Variants in TENM4 observed in about 807,000 individuals in gnomAD.
The protein encoded by TENM4 is teneurin-4.
In TENM4, 82 loss-of-function variants were observed where a neutral mutation model predicts 243.3. The observed-to-expected ratio is 0.34, with a 90% CI of 0.28 to 0.40. The LOEUF (loss-of-function observed/expected upper bound fraction) is 0.40, where lower values mean the gene tolerates loss of function less well. Among genes scored for constraint, TENM4 ranks in the 10% least tolerant of loss-of-function variants. The pLI is 1.00. For missense variants in TENM4, 3,138 were observed against 3,673.3 expected, an observed-to-expected ratio of 0.85 and a Z score of 3.77; for synonymous variants, 1,412 against 1,456.3, an observed-to-expected ratio of 0.97 and a Z score of 0.69.
At chr11:79,020,673 T>TGA (rs1417280290) in intron 6 of TENM4, among the ~76,000 whole-genome samples, 1 of 152,202 alleles carries the variant, frequency 6.6e-6, no homozygotes, top group Non-Finnish European at 1.5e-5. Context: ...CTACTGTTGC[T>TGA]GACAATGTTC....
intron 22 of TENM4, among the ~76,000 whole-genome samples, chr11:78,728,611 T>C (rs1855578660): frequency 6.6e-6 from 1 of 151,956 alleles, no homozygotes; most frequent in Non-Finnish European, 1.5e-5. Flanking sequence ...CTTCTCTGCT[T>C]CCTCATTCTG....
chr11:79,211,135 A>T (rs1863946992), intron 3 of TENM4, among the ~76,000 whole-genome samples: 1 of 152,274 alleles, frequency 6.6e-6, no homozygotes, highest in Non-Finnish European at 1.5e-5. Flanking sequence ...AAGAAAGGCA[A>T]TCTGAAGGCA....
At chr11:79,083,556 GTT>G (rs1860731621) in intron 4 of TENM4, among the ~76,000 whole-genome samples, 1 of 152,186 alleles carries the variant, frequency 6.6e-6, no homozygotes, top group Admixed American at 6.5e-5. Context: ...GCCAGCCCTT[GTT>G]TGAGCTCCCG....
At position 79,135,406 on chromosome 11, in the gene TENM4, T is replaced by C. The variant is rs138122483; in HGVS notation, c.-66+13304A>G. Reference sequence around the variant, plus strand: ...AACACTTCTACACTGCTGGTGGGAATGTAAACTAGTACAGCCACTATGGAA... The same window carrying C: ...AACACTTCTACACTGCTGGTGGGAACGTAAACTAGTACAGCCACTATGGAA... On this transcript the variant is annotated intron_variant, in intron 4 of 33. Coordinates refer to ENST00000278550, the MANE Select transcript of TENM4 (RefSeq NM_001098816.3). Among the ~76,000 whole-genome samples, 517 of 152,022 alleles carry C rather than the reference T, an allele frequency of 3.4e-3. 3 individuals are homozygous for C. The highest frequency in any genetic ancestry group is 0.012 in the African/African-American group (484 of 41,506).
chr11:79,297,633 C>G (rs1856477536), intron 1 of TENM4, 90 bp from the exon 2 acceptor site: 1 of 152,568 alleles, frequency 6.6e-6, no homozygotes, highest in South Asian at 2.1e-4. Flanking sequence ...TGGTTACCAA[C>G]TACTTATGAT....
chr11:79,193,032 C>A (rs1863549245), intron 3 of TENM4: 1 of 152,474 alleles, frequency 6.6e-6, no homozygotes, highest in African/African-American at 2.4e-5. Context: ...CCTCCCAGCG[C>A]CCAGGACCCC....
chr11:78,735,600 T>C (rs1482156425), intron 20 of TENM4, among the ~76,000 whole-genome samples: 1 of 152,182 alleles, frequency 6.6e-6, no homozygotes, highest in African/African-American at 2.4e-5. Flanking sequence ...TGGACATGAA[T>C]GTGAATGTGA....
chr11:78,843,952 T>C (rs568474845), intron 12 of TENM4, among the ~76,000 whole-genome samples: 1 of 152,312 alleles, frequency 6.6e-6, no homozygotes, highest in Admixed American at 6.5e-5. Context: ...CAGTGATGCC[T>C]GACCTTCTTG....
At chr11:79,166,762 A>G (rs534860817) in intron 3 of TENM4, among the ~76,000 whole-genome samples, 1 of 152,338 alleles carries the variant, frequency 6.6e-6, no homozygotes, top group South Asian at 2.1e-4. Flanking sequence ...TTACAGCTTC[A>G]TAGAGAGGCA....
intron 19 of TENM4, among the ~76,000 whole-genome samples, chr11:78,744,141 C>T (rs1018891437): frequency 1.3e-5 from 2 of 152,208 alleles, no homozygotes; most frequent in Non-Finnish European, 2.9e-5. Flanking sequence ...AAATGAGAAG[C>T]CTCACTTCAG....
intron 32 of TENM4, among the ~76,000 whole-genome samples, chr11:78,666,317 T>G (rs578243253): frequency 1.1e-4 from 17 of 152,358 alleles, no homozygotes; most frequent in African/African-American, 3.8e-4. Context: ...CAGACTACAT[T>G]AGAAAATGAG....
intron 27 of TENM4, among the ~76,000 whole-genome samples, chr11:78,703,366 A>C (rs973669158): frequency 6.6e-6 from 1 of 152,198 alleles, no homozygotes; most frequent in Non-Finnish European, 1.5e-5. Context: ...ACTAAGGTTT[A>C]TGAAGCCCTG....
chr11:78,941,193 A>G (rs761681536), intron 6 of TENM4, among the ~76,000 whole-genome samples: 4 of 152,232 alleles, frequency 2.6e-5, no homozygotes, highest in South Asian at 4.1e-4. Context: ...GGCAAATTGC[A>G]TGATCTCTCT....
intron 6 of TENM4, among the ~76,000 whole-genome samples, chr11:79,041,280 T>C (rs906385312): frequency 6.6e-6 from 1 of 152,058 alleles, no homozygotes; most frequent in Non-Finnish European, 1.5e-5. Flanking sequence ...GCCAGGCTGG[T>C]CTTGAATTCC....
At chr11:78,740,954 AT>A (rs1855916223) in intron 19 of TENM4, among the ~76,000 whole-genome samples, 1 of 152,218 alleles carries the variant, frequency 6.6e-6, no homozygotes, top group South Asian at 2.1e-4. Flanking sequence ...TTGCTTTTGG[AT>A]TCTGGGGAAG....
At chr11:79,218,725 C>T (rs1864104411) in intron 2 of TENM4, among the ~76,000 whole-genome samples, 1 of 152,172 alleles carries the variant, frequency 6.6e-6, no homozygotes, top group Non-Finnish European at 1.5e-5. Context: ...AAATCCCATC[C>T]CTAAATTCCC....
chr11:79,103,654 A>G (rs1335804988), intron 4 of TENM4, among the ~76,000 whole-genome samples: 2 of 152,242 alleles, frequency 1.3e-5, no homozygotes, highest in Non-Finnish European at 2.9e-5. Context: ...CTTAATGTAC[A>G]CATGGATTGT....
chr11:79,350,080 G>A (rs1857389687), intron 1 of TENM4, among the ~76,000 whole-genome samples: 1 of 152,190 alleles, frequency 6.6e-6, no homozygotes, highest in South Asian at 2.1e-4. Context: ...CATAGTCCCT[G>A]CCCTCAGGAA....
At chr11:79,214,233 G>A (rs1382222041) in intron 3 of TENM4, among the ~76,000 whole-genome samples, 1 of 152,104 alleles carries the variant, frequency 6.6e-6, no homozygotes, top group South Asian at 2.1e-4. Flanking sequence ...GACCTCAAGT[G>A]ATCTACCCGC....
Sources: gnomAD v4.1 joint callset for allele counts (sites outside exome capture counted in the v4.1 genomes callset) on GRCh38, gnomAD v4.1.1 for gene constraint, MANE v1.5 for transcripts, NCBI Gene and HGNC (gene_info 2026-07-23, HGNC 2026-07-21) for gene names.